SPECC1: variants seen among roughly 807,000 people sequenced by gnomAD.
SPECC1 encodes cytospin-B.
SPECC1 carries 62 observed loss-of-function variants against 104.1 expected under a neutral mutation model. That is an observed-to-expected ratio of 0.60 (90% CI 0.49 to 0.74). SPECC1 has a LOEUF of 0.74. Ranked by LOEUF, SPECC1 falls within the 30% of genes least tolerant of loss-of-function variation. The pLI is 0.00. For missense variants in SPECC1, 1,306 were observed against 1,310.5 expected (o/e 1.00, Z 0.05); for synonymous variants, 513 against 501.6 (o/e 1.02, Z -0.30).
chr17:20,247,858 A>G (rs1319020259), intron 9 of SPECC1, among the ~76,000 whole-genome samples: 1 of 152,230 alleles, frequency 6.6e-6, no homozygotes, highest in Non-Finnish European at 1.5e-5. Flanking sequence ...GTAGTTAAGC[A>G]GAAAGGAATT....
In SPECC1 at chr17:20,246,019, G is replaced by C; in HGVS notation, c.2445G>C (p.Glu815Asp). Residue 815 changes from glutamate to aspartate, a missense_variant, in exon 8 of 15, where the codon GAG becomes GAC. Physicochemically the swap from Glu to Asp is conservative, Grantham distance 45 (BLOSUM62 2). Coordinates refer to ENST00000395527, the MANE Select transcript of SPECC1 (RefSeq NM_001243439.2). ...GCAGAACATCTCCAACACCCCCAGA[G>C]TCGGCAACCACCGTTAAGTCACTTA... ...CVSRTSPTPP[E>D]SATTVKSLIK... The C allele has an allele frequency of 6.2e-7, 1 of 1,614,130 alleles. No homozygotes were observed. Among genetic ancestry groups the C allele is most frequent in the Non-Finnish European group, 8.5e-7 (1 of 1,180,016 alleles).
At position 20,014,661 on chromosome 17, in the gene SPECC1, C is replaced by T. The variant is rs72841993; in HGVS notation, c.-22+5237C>T. On this transcript the variant is annotated intron_variant, in intron 1 of 14. Coordinates refer to ENST00000395527, the MANE Select transcript of SPECC1 (RefSeq NM_001243439.2). Reference sequence around the variant, plus strand: ...TCTAGGAAGAAGTGCACGCGTCTGACTCTCGTTTCTTTGTAGTTAATGTTT... The same window carrying T: ...TCTAGGAAGAAGTGCACGCGTCTGATTCTCGTTTCTTTGTAGTTAATGTTT... Among the ~76,000 whole-genome samples the T allele has an allele frequency of 8.9e-3, 1,353 of 152,212 alleles. 6 individuals are homozygous for T. Among genetic ancestry groups the T allele is most frequent in the Non-Finnish European group, 0.013 (871 of 68,012 alleles).
At position 20,227,490 on chromosome 17, in the gene SPECC1, G is replaced by T. The variant is rs770923815; in HGVS notation, c.1941G>T (p.Leu647=). ...AEQLSRTSLK[L]QEKASESDAE... is the part of the protein sequence containing the mutation. ...AGCTGAGCAGAACCAGCCTAAAGCT[G>T]CAAGAAAAAGCATCAGAGAGTGATG... The change falls in exon 5 of 15, where the codon CTG becomes CTT. Residue 647 remains leucine (L), a synonymous_variant. Transcript: ENST00000395527. The T allele has an allele frequency of 6.2e-7, 1 of 1,613,456 alleles. No individual in the cohort carries two copies.
At chr17:20,100,393 AG>A (rs1251671440) in intron 2 of SPECC1, among the ~76,000 whole-genome samples, 1 of 152,242 alleles carries the variant, frequency 6.6e-6, no homozygotes, top group African/African-American at 2.4e-5. Context: ...TGGACAAAAA[AG>A]CAAGTAATTT....
intron 5 of SPECC1, among the ~76,000 whole-genome samples, chr17:20,229,800 A>G (rs768804802): frequency 6.6e-6 from 1 of 152,270 alleles, no homozygotes; most frequent in Admixed American, 6.5e-5. Context: ...AAAGCAGCCA[A>G]ATTCATGGAT....
intron 3 of SPECC1, among the ~76,000 whole-genome samples, chr17:20,132,516 AGTTTGTTTGTTT>A (rs201813080): frequency 6.6e-6 from 1 of 150,376 alleles, no homozygotes; most frequent in Non-Finnish European, 1.5e-5. Context: ...TCTACTTAGA[AGTTTGTTTGTTT>A]GTTTGTTTGT....
Position 20,222,119 on chromosome 17 carries a change from A to G in SPECC1, c.1864-5294A>G, listed in dbSNP as rs148469056. 6.8e-3 allele frequency among the ~76,000 whole-genome samples: 1,023 copies of G among 151,546 alleles called. 11 individuals are homozygous for G. Among genetic ancestry groups the G allele is most frequent in the African/African-American group, 0.024 (975 of 41,258 alleles). On this transcript the variant is annotated intron_variant, in intron 4 of 14. Transcript: ENST00000395527. ...GAGGCCGAGGCGGGCACATCACCTG[A>G]GGTCAGGAGTTTGAGACCAGCCTGG...
chr17:20,013,402 T>C (rs2044007404), intron 1 of SPECC1, among the ~76,000 whole-genome samples: 1 of 152,250 alleles, frequency 6.6e-6, no homozygotes, highest in Non-Finnish European at 1.5e-5. Flanking sequence ...GCTATCCTTA[T>C]GGGTGTGAAA....
chr17:20,118,079 T>G (rs2048849679), intron 3 of SPECC1, among the ~76,000 whole-genome samples: 1 of 151,942 alleles, frequency 6.6e-6, no homozygotes, highest in Non-Finnish European at 1.5e-5. Context: ...CACTCCGGCC[T>G]GGGCAACAGT....
chr17:20,155,537 G>A (rs2032384390), intron 3 of SPECC1: 1 of 152,250 alleles, frequency 6.6e-6, no homozygotes, highest in Non-Finnish European at 1.5e-5. Flanking sequence ...ATTAGCCATA[G>A]TATTCATTTT....
Position 20,168,814 on chromosome 17 carries a change from A to T in SPECC1, c.284-35519A>T, listed in dbSNP as rs377199199. Among the ~76,000 whole-genome samples, 6 of 152,322 alleles carry T rather than the reference A, an allele frequency of 3.9e-5. No homozygotes were observed. In the South Asian group the frequency reaches 8.3e-4, roughly 21 times the overall value. On this transcript the variant is annotated intron_variant, in intron 3 of 14. Coordinates refer to ENST00000395527, the MANE Select transcript of SPECC1 (RefSeq NM_001243439.2). ...GATTCAGATATGTATGTGTATGCTT[A>T]TATGATGTAGATGTATATGTAACAG... is the stretch of plus-strand genomic sequence containing the variant.
At chr17:20,269,061 A>G (rs1480104138) in intron 12 of SPECC1, among the ~76,000 whole-genome samples, 1 of 152,236 alleles carries the variant, frequency 6.6e-6, no homozygotes, top group Non-Finnish European at 1.5e-5. Flanking sequence ...TAAGCTGGGC[A>G]CATCCCCAAT....
At chr17:20,204,256 T>C in intron 3 of SPECC1, 77 bp from the exon 4 acceptor site, 5 of 1,506,132 alleles carry the variant, frequency 3.3e-6, no homozygotes, top group Non-Finnish European at 1.8e-6. Flanking sequence ...CTGTGCCATG[T>C]GATTTACAGT....
intron 12 of SPECC1, among the ~76,000 whole-genome samples, chr17:20,287,423 C>CAAAAA (rs61713120): frequency 3.2e-4 from 31 of 98,052 alleles, no homozygotes; most frequent in African/African-American, 7.5e-4. Flanking sequence ...GACTCCGTCT[C>CAAAAA]AAAAAAAAAA....
intron 1 of SPECC1, among the ~76,000 whole-genome samples, chr17:20,092,850 A>G (rs149937218): frequency 1.7e-4 from 26 of 152,346 alleles, no homozygotes; most frequent in Non-Finnish European, 2.8e-4. Context: ...TGAGTTCACA[A>G]TGTCAACAGT....
chr17:20,304,828 T>C (rs557908233), intron 13 of SPECC1, among the ~76,000 whole-genome samples: 21 of 152,072 alleles, frequency 1.4e-4, no homozygotes, highest in Admixed American at 9.8e-4. Flanking sequence ...GGTCCAACTA[T>C]GAGGCAGGCC....
intron 12 of SPECC1, among the ~76,000 whole-genome samples, chr17:20,288,027 C>G (rs2041017090): frequency 1.3e-5 from 2 of 151,776 alleles, no homozygotes; most frequent in African/African-American, 4.8e-5. Context: ...TCACCTTCCA[C>G]TTATAAATGA....
At chr17:20,257,403 C>A in intron 10 of SPECC1, 48 bp from the exon 11 acceptor site, 1 of 1,529,110 alleles carries the variant, frequency 6.5e-7, no homozygotes, top group Non-Finnish European at 8.8e-7. Context: ...TGATGGCAGT[C>A]AAGAGCTGCT....
In SPECC1 at chr17:20,314,345, C is replaced by A; in HGVS notation, c.*280C>A. The A allele has an allele frequency of 4.6e-6, 2 of 431,472 alleles. No homozygotes were observed. Among genetic ancestry groups the A allele is most frequent in the Non-Finnish European group, 8.6e-6 (2 of 233,888 alleles). The allele number at this position is 431,472 out of a possible 1,614,324, so 26.7% of individuals were successfully genotyped here. The stretch of plus-strand genomic sequence containing the variant: ...CCTCCCTCCTTCCAGACCAAGACCC[C>A]ACACCCAGGCTTGTTTTGCTGATTA... On this transcript the variant is annotated 3_prime_UTR_variant, in exon 15 of 15. Coordinates refer to ENST00000395527, the MANE Select transcript of SPECC1 (RefSeq NM_001243439.2).
Sources: gnomAD v4.1 joint callset for allele counts (sites outside exome capture counted in the v4.1 genomes callset) on GRCh38, gnomAD v4.1.1 for gene constraint, MANE v1.5 for transcripts, NCBI Gene and HGNC (gene_info 2026-07-23, HGNC 2026-07-21) for gene names.